The following CNTN6 variants were observed in gnomAD, a reference collection of about 807,000 sequenced individuals.
CNTN6 encodes the protein contactin-6.
Under a neutral mutation model 122.8 loss-of-function variants are expected in CNTN6, and 137 were observed. That is an observed-to-expected ratio of 1.12 (90% CI 0.97 to 1.29). The LOEUF is 1.29. Among genes scored for constraint, CNTN6 ranks in the 50% most tolerant of loss-of-function variants. CNTN6 has a pLI of 0.00. For missense variants in CNTN6, 1,634 were observed against 1,223.4 expected, an observed-to-expected ratio of 1.34 and a Z score of -5.01; for synonymous variants, 570 against 426.0, an observed-to-expected ratio of 1.34 and a Z score of -4.16.
intron 4 of CNTN6, among the ~76,000 whole-genome samples, chr3:1,258,129 AT>A (rs2094789352): frequency 6.6e-6 from 1 of 152,036 alleles, no homozygotes; most frequent in Non-Finnish European, 1.5e-5. Context: ...AACAAAGCCA[AT>A]TCTGGTCCCA....
chr3:1,104,842 A>C (rs2091141541), intron 1 of CNTN6, among the ~76,000 whole-genome samples: 1 of 152,138 alleles, frequency 6.6e-6, no homozygotes, highest in African/African-American at 2.4e-5. Flanking sequence ...ACATCTTATA[A>C]ACATTCTCAA....
intron 7 of CNTN6, 139 bp from the exon 8 acceptor site, chr3:1,321,511 G>T (rs932751699): frequency 9.2e-5 from 68 of 742,888 alleles, no homozygotes; most frequent in Non-Finnish European, 1.4e-4. Context: ...GCGAATGATT[G>T]CATGATCTGA....
chr3:1,209,691 T>C (rs1304880046), intron 2 of CNTN6, among the ~76,000 whole-genome samples: 9 of 151,258 alleles, frequency 6.0e-5, no homozygotes, highest in Admixed American at 5.9e-4. Context: ...AGCCCTTAAA[T>C]ACTGAGCAAC....
intron 7 of CNTN6, among the ~76,000 whole-genome samples, chr3:1,302,223 C>T (rs73093216): frequency 6.6e-6 from 1 of 151,832 alleles, no homozygotes; most frequent in Admixed American, 6.6e-5. Context: ...AAAAATATTG[C>T]TGTGCAGCAT....
chr3:1,352,424 A>G lies in CNTN6; in HGVS notation c.1465A>G (p.Lys489Glu), dbSNP rs1043754953. The G allele has an allele frequency of 2.5e-6, 4 of 1,609,986 alleles. No homozygotes were observed. The highest frequency in any genetic ancestry group is 3.4e-6 in the Non-Finnish European group (4 of 1,177,372). Residue 489 changes from lysine to glutamate, a missense_variant, in exon 12 of 23, where the codon AAG (lysine) becomes GAG (glutamate). Coordinates refer to ENST00000446702, the MANE Select transcript of CNTN6 (RefSeq NM_001289080.2). ...CIATNQFGTA[K>E]NTGSLIVKER... The stretch of plus-strand genomic sequence containing the variant: ...AGCCACAAATCAGTTTGGCACTGCA[A>G]AGAACACTGGCAGCCTCATTGTAAA...
At chr3:1,344,239 C>T (rs565472000) in intron 11 of CNTN6, among the ~76,000 whole-genome samples, 1 of 152,194 alleles carries the variant, frequency 6.6e-6, no homozygotes. Context: ...ACCTGCAGGG[C>T]AGCAATGGAT....
Position 1,356,724 on chromosome 3 carries a change from C to T in CNTN6, c.1492+4273C>T, listed in dbSNP as rs114901750. ...CCCCAAAAATGTTCAGTTCCACACG[C>T]CACTTTCCTACACAGAATGACTGAA... is the stretch of plus-strand genomic sequence containing the variant. On this transcript the variant is annotated intron_variant, in intron 12 of 22. Coordinates refer to ENST00000446702, the MANE Select transcript of CNTN6 (RefSeq NM_001289080.2). Among the ~76,000 whole-genome samples the T allele has an allele frequency of 2.9e-3, 446 of 151,920 alleles. 2 individuals carry two copies. The highest frequency in any genetic ancestry group is 1.0e-2 in the African/African-American group (414 of 41,504).
At chr3:1,325,776 G>A (rs1261305822) in intron 8 of CNTN6, 39 bp from the exon 9 acceptor site, 4 of 1,600,228 alleles carry the variant, frequency 2.5e-6, no homozygotes, top group Non-Finnish European at 3.4e-6. Context: ...TTGGATAACT[G>A]CCTTTTACCA....
intron 12 of CNTN6, among the ~76,000 whole-genome samples, chr3:1,371,229 G>A (rs1708967868): frequency 6.6e-6 from 1 of 152,094 alleles, no homozygotes; most frequent in Admixed American, 6.6e-5. Context: ...GAAGGTAGAA[G>A]AAAGTGAAGA....
At chr3:1,137,073 C>T (rs913009913) in intron 1 of CNTN6, among the ~76,000 whole-genome samples, 3 of 152,168 alleles carry the variant, frequency 2.0e-5, no homozygotes, top group African/African-American at 7.2e-5. Flanking sequence ...GTCTCTTCCT[C>T]CTCCTATTTT....
chr3:1,306,257 T>C (rs1364512282), intron 7 of CNTN6, among the ~76,000 whole-genome samples: 2 of 152,226 alleles, frequency 1.3e-5, no homozygotes. Context: ...CTTTAGATTC[T>C]TGCTAATGGC....
intron 4 of CNTN6, among the ~76,000 whole-genome samples, chr3:1,276,626 G>A (rs1051665983): frequency 1.3e-5 from 2 of 151,980 alleles, no homozygotes; most frequent in East Asian, 1.9e-4. Flanking sequence ...AATTTAGTAC[G>A]GTTTTTTCAT....
At chr3:1,199,760 T>A (rs1448658767) in intron 2 of CNTN6, among the ~76,000 whole-genome samples, 1 of 152,156 alleles carries the variant, frequency 6.6e-6, no homozygotes, top group Non-Finnish European at 1.5e-5. Context: ...AAGGAAACTC[T>A]CCATTATATT....
chr3:1,259,396 T>C (rs1359542439), intron 4 of CNTN6, among the ~76,000 whole-genome samples: 2 of 152,094 alleles, frequency 1.3e-5, no homozygotes, highest in South Asian at 2.1e-4. Flanking sequence ...AAAATCCATT[T>C]TGTTAAGATA....
At chr3:1,387,600 T>C (rs906554173) in intron 20 of CNTN6, among the ~76,000 whole-genome samples, 1 of 152,114 alleles carries the variant, frequency 6.6e-6, no homozygotes. Flanking sequence ...ACAGCTCCGG[T>C]CTACAGCTCC....
At chr3:1,305,000 A>C (rs972115947) in intron 7 of CNTN6, among the ~76,000 whole-genome samples, 8 of 151,746 alleles carry the variant, frequency 5.3e-5, no homozygotes, top group African/African-American at 1.9e-4. Flanking sequence ...AAAAAAAAAA[A>C]AAAACAAAAT....
chr3:1,178,339 A>T (rs1011218573), intron 2 of CNTN6, among the ~76,000 whole-genome samples: 5 of 152,006 alleles, frequency 3.3e-5, no homozygotes, highest in Non-Finnish European at 5.9e-5. Flanking sequence ...AAGTCTACCA[A>T]ATCTTTCCTT....
chr3:1,261,452 G>A (rs754087093), intron 4 of CNTN6, among the ~76,000 whole-genome samples: 12 of 152,124 alleles, frequency 7.9e-5, no homozygotes, highest in Non-Finnish European at 1.2e-4. Flanking sequence ...ATAGGCCAAG[G>A]AAACTGGGAC....
Position 1,372,444 on chromosome 3 carries a change from A to C in CNTN6, c.1638A>C (p.Lys546Asn), listed in dbSNP as rs748841700. ...FFNGDVIDLK[K>N]GVAHFERIGG... Reference sequence around the variant, plus strand: ...ATGGAGATGTCATAGACTTAAAAAAAGGAGTGGCTCATTTTGAAAGGATTG... The same window carrying C: ...ATGGAGATGTCATAGACTTAAAAAACGGAGTGGCTCATTTTGAAAGGATTG... The change falls in exon 13 of 23, where the codon AAA (lysine) becomes AAC (asparagine). Residue 546 changes from lysine (K) to asparagine (N), a missense_variant. Lys to Asn is a moderately conservative substitution (Grantham distance 94). Coordinates refer to ENST00000446702, the MANE Select transcript of CNTN6 (RefSeq NM_001289080.2). 1 of 1,611,778 alleles carries C rather than the reference A, an allele frequency of 6.2e-7. No homozygotes were observed. The highest frequency in any genetic ancestry group is 1.7e-5 in the Admixed American group (1 of 59,446).
Sources: allele counts gnomAD v4.1 joint callset (sites outside exome capture counted in the v4.1 genomes callset), GRCh38; gene constraint gnomAD v4.1.1; transcripts MANE v1.5; gene names NCBI Gene and HGNC (gene_info 2026-07-23, HGNC 2026-07-21).